Variants in PCDHA12 observed in about 807,000 individuals in gnomAD.
PCDHA12 encodes protocadherin alpha-12.
PCDHA12 carries 44 observed loss-of-function variants against 60.0 expected under a neutral mutation model. That is an observed-to-expected ratio of 0.73 (90% CI 0.58 to 0.94). The LOEUF (loss-of-function observed/expected upper bound fraction) is 0.94, where lower values mean the gene tolerates loss of function less well. Among genes scored for constraint, PCDHA12 ranks in the 40% least tolerant of loss-of-function variants. The probability of loss-of-function intolerance (pLI) is 0.00; values close to 1 mark genes in which losing one functional copy is unlikely to be tolerated. For synonymous variants in PCDHA12, 569 were observed against 553.0 expected (o/e 1.03, Z -0.40); for missense variants, 1,276 against 1,239.7 (o/e 1.03, Z -0.44).
intron 1 of PCDHA12, among the ~76,000 whole-genome samples, chr5:140,902,858 C>T (rs1275375548): frequency 6.6e-6 from 1 of 152,110 alleles, no homozygotes; most frequent in African/African-American, 2.4e-5. Context: ...AAATGGCGTC[C>T]AGGTCCACCC....
intron 1 of PCDHA12, among the ~76,000 whole-genome samples, chr5:140,888,469 T>C (rs892080299): frequency 2.0e-5 from 3 of 152,230 alleles, no homozygotes; most frequent in South Asian, 4.1e-4. Flanking sequence ...AAAATGTCAG[T>C]AGTTCCACTG....
intron 3 of PCDHA12, among the ~76,000 whole-genome samples, chr5:140,999,218 C>T (rs1410560466): frequency 6.6e-6 from 1 of 152,180 alleles, no homozygotes; most frequent in Non-Finnish European, 1.5e-5. Context: ...GGAAGTACTA[C>T]ATTTGAGAAT....
intron 1 of PCDHA12, among the ~76,000 whole-genome samples, chr5:140,944,025 A>C (rs981840753): frequency 6.6e-6 from 1 of 152,236 alleles, no homozygotes; most frequent in Admixed American, 6.5e-5. Flanking sequence ...AATTATCTTC[A>C]AAATATGGAA....
chr5:140,921,101 C>T (rs1331761775), intron 1 of PCDHA12, among the ~76,000 whole-genome samples: 3 of 152,002 alleles, frequency 2.0e-5, no homozygotes, highest in African/African-American at 4.8e-5. Context: ...CTGCCTCAGT[C>T]TCCTAAGTAG....
At chr5:141,005,930 G>C (rs1179599253) in intron 3 of PCDHA12, among the ~76,000 whole-genome samples, 1 of 151,958 alleles carries the variant, frequency 6.6e-6, no homozygotes, top group African/African-American at 2.4e-5. Context: ...CTGGTTGACA[G>C]AGTGAGAACC....
chr5:140,896,389 G>C (rs2065520134), intron 1 of PCDHA12, among the ~76,000 whole-genome samples: 1 of 152,124 alleles, frequency 6.6e-6, no homozygotes, highest in East Asian at 1.9e-4. Flanking sequence ...AACCTCACCA[G>C]CATCTGTTAT....
chr5:140,997,668 TTGTG>T lies in PCDHA12; in HGVS notation c.2516-11933_2516-11930del, dbSNP rs35184029. On this transcript the variant is annotated intron_variant, in intron 3 of 3. Coordinates refer to ENST00000398631, the MANE Select transcript of PCDHA12 (RefSeq NM_018903.4). ...AATGCAATATGTATTATTATACAGC[TTGTG>T]TGTGTGTGTGTGTGTGTGTGTGTGT... Among the ~76,000 whole-genome samples, 716 of 148,202 alleles carry T rather than the reference TTGTG, an allele frequency of 4.8e-3. 2 individuals carry two copies. The highest frequency in any genetic ancestry group is 0.01 in the Middle Eastern group (3 of 294).
At chr5:140,961,997 C>T (rs1160116142) in intron 1 of PCDHA12, among the ~76,000 whole-genome samples, 1 of 152,080 alleles carries the variant, frequency 6.6e-6, no homozygotes, top group South Asian at 2.1e-4. Context: ...CATTGTCCTG[C>T]CTCAGCTTCC....
chr5:140,952,913 A>G (rs1013502361), intron 1 of PCDHA12, among the ~76,000 whole-genome samples: 6 of 152,092 alleles, frequency 3.9e-5, no homozygotes, highest in African/African-American at 1.4e-4. Flanking sequence ...CTCATCTTAC[A>G]TGGCATGAGC....
chr5:140,904,486 C>G (rs1396927518), intron 1 of PCDHA12, among the ~76,000 whole-genome samples: 2 of 151,508 alleles, frequency 1.3e-5, no homozygotes, highest in African/African-American at 2.4e-5. Context: ...TGGTCTGATT[C>G]CAAATTTTTA....
intron 1 of PCDHA12, chr5:140,969,328 T>C (rs2096319778): frequency 1.2e-6 from 2 of 1,614,124 alleles, no homozygotes; most frequent in Admixed American, 1.7e-5. Flanking sequence ...TTTCTCAAAA[T>C]GAGGTGAGAC....
intron 1 of PCDHA12, chr5:140,966,810 G>C (rs1290992432): frequency 3.2e-6 from 5 of 1,548,566 alleles, no homozygotes; most frequent in Non-Finnish European, 4.3e-6. Context: ...GAGCATCCAC[G>C]GCTCCGGCGG....
chr5:140,968,859 C>T, intron 1 of PCDHA12: 1 of 1,614,184 alleles, frequency 6.2e-7, no homozygotes, highest in Non-Finnish European at 8.5e-7. Context: ...GTTAAGAGCC[C>T]TCGGACATAC....
At chr5:140,897,758 C>T (rs2066305789) in intron 1 of PCDHA12, among the ~76,000 whole-genome samples, 3 of 152,140 alleles carry the variant, frequency 2.0e-5, no homozygotes, top group Non-Finnish European at 4.4e-5. Context: ...CCTGAGGAAT[C>T]GCCACACTGA....
At chr5:140,927,158 C>G in intron 1 of PCDHA12, 1 of 1,614,166 alleles carries the variant, frequency 6.2e-7, no homozygotes, top group Non-Finnish European at 8.5e-7. Context: ...CTGTGCAGGG[C>G]CAAAGCTGCC....
chr5:140,923,557 A>C (rs1462470621), intron 1 of PCDHA12, among the ~76,000 whole-genome samples: 1 of 152,200 alleles, frequency 6.6e-6, no homozygotes, highest in African/African-American at 2.4e-5. Context: ...AATATCAGCA[A>C]TGAAAGGTCC....
chr5:140,997,664 C>A (rs2097778003), intron 3 of PCDHA12, among the ~76,000 whole-genome samples: 1 of 142,906 alleles, frequency 7.0e-6, no homozygotes, highest in African/African-American at 2.5e-5. Context: ...TATTATTATA[C>A]AGCTTGTGTG....
chr5:140,966,903 A>G (rs1554228870), intron 1 of PCDHA12: 2 of 1,599,926 alleles, frequency 1.3e-6, no homozygotes, highest in South Asian at 2.2e-5. Context: ...CAGCTGCGAT[A>G]CTCTGTGCCA....
chr5:140,920,773 G>A (rs374394320), intron 1 of PCDHA12, among the ~76,000 whole-genome samples: 41 of 151,942 alleles, frequency 2.7e-4, no homozygotes, highest in African/African-American at 9.2e-4. Flanking sequence ...ACACCTGGGA[G>A]GTGGAGGTTG....
Sources: allele counts gnomAD v4.1 joint callset (sites outside exome capture counted in the v4.1 genomes callset), GRCh38; gene constraint gnomAD v4.1.1; transcripts MANE v1.5; gene names NCBI Gene and HGNC (gene_info 2026-07-23, HGNC 2026-07-21).